Variants in MUSK observed in about 807,000 individuals in gnomAD.
The protein encoded by MUSK is muscle associated receptor tyrosine kinase, also known as muscle, skeletal receptor tyrosine-protein kinase.
Under a neutral mutation model 88.7 loss-of-function variants are expected in MUSK, and 55 were observed. The observed-to-expected ratio is 0.62, with a 90% confidence interval of 0.50 to 0.78. MUSK has a LOEUF of 0.78. Among genes scored for constraint, MUSK ranks in the 30% least tolerant of loss-of-function variants. The probability of loss-of-function intolerance (pLI) is 0.00; values close to 1 mark genes in which losing one functional copy is unlikely to be tolerated. For missense variants in MUSK, 1,015 were observed against 1,074.3 expected, an observed-to-expected ratio of 0.94 and a Z score of 0.77; for synonymous variants, 387 against 391.9, an observed-to-expected ratio of 0.99 and a Z score of 0.15.
At chr9:110,753,385 T>TTGCACCAC (rs1185989903) in intron 7 of MUSK, among the ~76,000 whole-genome samples, 1 of 148,512 alleles carries the variant, frequency 6.7e-6, no homozygotes, top group African/African-American at 2.5e-5. Flanking sequence ...TGAGCTGAAA[T>TTGCACCAC]TGCACCACTG....
intron 9 of MUSK, among the ~76,000 whole-genome samples, chr9:110,768,308 T>C (rs1338148789): frequency 6.6e-6 from 1 of 152,126 alleles, no homozygotes; most frequent in Non-Finnish European, 1.5e-5. Context: ...CACCAGCCTG[T>C]CCAACATGGT....
At chr9:110,701,687 TTAC>T (rs1183119073) in intron 5 of MUSK, among the ~76,000 whole-genome samples, 1 of 8,590 alleles carries the variant, frequency 1.2e-4, no homozygotes, top group Non-Finnish European at 1.9e-4. Context: ...TTTTTTTACT[TTAC>T]TTTATTTTAT....
At chr9:110,764,638 G>A in intron 8 of MUSK, among the ~76,000 whole-genome samples, 1 of 149,060 alleles carries the variant, frequency 6.7e-6, no homozygotes, top group African/African-American at 2.5e-5. Context: ...TAGATAGATA[G>A]GTAGGTAGAT....
At chr9:110,688,922 TTATATATAAATATATGTAAACA>T (rs1564216000) in intron 3 of MUSK, among the ~76,000 whole-genome samples, 1 of 146,298 alleles carries the variant, frequency 6.8e-6, no homozygotes, top group Admixed American at 7.0e-5. Context: ...TTATATATAT[TTATATATAAATATATGTAAACA>T]TATATTTAAA....
intron 8 of MUSK, among the ~76,000 whole-genome samples, chr9:110,764,653 G>A (rs1054923806): frequency 6.7e-6 from 1 of 148,788 alleles, no homozygotes. Context: ...GTAGATCATC[G>A]GTCTTGTGTG....
chr9:110,723,906 C>G (rs1486378721), intron 5 of MUSK, among the ~76,000 whole-genome samples: 1 of 152,034 alleles, frequency 6.6e-6, no homozygotes, highest in Non-Finnish European at 1.5e-5. Flanking sequence ...CTACTGCTCA[C>G]ACTCCTGTAA....
At position 110,801,210 on chromosome 9, in the gene MUSK, CA is replaced by C. The variant is rs1425556815; in HGVS notation, c.*223del. 2.3e-6 allele frequency: 1 copy of C among 431,118 alleles called. No individual in the cohort carries two copies. Among genetic ancestry groups the C allele is most frequent in the Admixed American group, 3.9e-5 (1 of 25,822 alleles). 26.7% of individuals were successfully genotyped at this position (431,118 alleles called of 1,614,324 possible). A position where few individuals can be genotyped will look rare whatever the true frequency, so the allele number is the denominator to read the frequency against. ...TGGAAACACAGGCTAGGAAATGTGT[CA>C]GATAATGGAGACAACTATTCTTCTT... On this transcript the variant is annotated 3_prime_UTR_variant, in exon 15 of 15. Coordinates refer to ENST00000374448, the MANE Select transcript of MUSK (RefSeq NM_005592.4).
chr9:110,710,417 T>C (rs1012681604), intron 5 of MUSK, among the ~76,000 whole-genome samples: 18 of 152,346 alleles, frequency 1.2e-4, no homozygotes, highest in African/African-American at 4.1e-4. Flanking sequence ...GTATTTGCTG[T>C]TGTTGGTATT....
At chr9:110,673,031 G>T (rs2075980095) in intron 1 of MUSK, among the ~76,000 whole-genome samples, 1 of 152,134 alleles carries the variant, frequency 6.6e-6, no homozygotes, top group African/African-American at 2.4e-5. Flanking sequence ...GATGAAAGCT[G>T]GATAGTAGAA....
intron 1 of MUSK, among the ~76,000 whole-genome samples, chr9:110,675,673 G>GGA (rs1564205682): frequency 1.5e-5 from 2 of 129,092 alleles, no homozygotes; most frequent in East Asian, 4.8e-4. Flanking sequence ...GGGTTCAAGT[G>GGA]ATTCTCCTGC....
chr9:110,731,947 C>CTTTCCGATTACCATA (rs78656044), intron 5 of MUSK, among the ~76,000 whole-genome samples: 1 of 151,336 alleles, frequency 6.6e-6, no homozygotes, highest in South Asian at 2.1e-4. Flanking sequence ...AAAATAAAAC[C>CTTTCCGATTACCATA]TTTCCAAGAA....
intron 5 of MUSK, among the ~76,000 whole-genome samples, chr9:110,729,230 G>C (rs1226669475): frequency 1.2e-5 from 1 of 85,980 alleles, no homozygotes; most frequent in Non-Finnish European, 3.1e-5. Flanking sequence ...GTTTGTAGTG[G>C]AATATGTTTA....
chr9:110,775,523 G>A (rs2077653633), intron 9 of MUSK: 4 of 446,850 alleles, frequency 9.0e-6, no homozygotes, highest in East Asian at 4.6e-5. Context: ...AATCTAATAC[G>A]TTTTAAATTT....
rs1270258969 is a variant in MUSK at position 110,806,095 on chromosome 9, G to A, written c.*5107G>A. On this transcript the variant is annotated 3_prime_UTR_variant, in exon 15 of 15. Transcript: ENST00000374448. ...TTTCATCTCTAGTCCCAGCCTAAGTGCTAACCACTTCACCCATTTATAGTG... is the reference window on the plus strand; with the variant it reads ...TTTCATCTCTAGTCCCAGCCTAAGTACTAACCACTTCACCCATTTATAGTG... Among the ~76,000 whole-genome samples the A allele has an allele frequency of 6.6e-6, 1 of 152,010 alleles. No individual in the cohort carries two copies. Among genetic ancestry groups the A allele is most frequent in the Non-Finnish European group, 1.5e-5 (1 of 67,966 alleles).
At chr9:110,690,206 A>G (rs1453972445) in intron 3 of MUSK, among the ~76,000 whole-genome samples, 1 of 104,392 alleles carries the variant, frequency 9.6e-6, no homozygotes, top group African/African-American at 3.9e-5. Context: ...AAATATATAT[A>G]AATATATATT....
At chr9:110,689,073 T>C (rs1168083771) in intron 3 of MUSK, among the ~76,000 whole-genome samples, 3 of 138,444 alleles carry the variant, frequency 2.2e-5, no homozygotes, top group African/African-American at 5.4e-5. Flanking sequence ...GCTATAGTTA[T>C]ATATAGTTAT....
In MUSK at chr9:110,747,808, G is replaced by GC; in HGVS notation, c.913+12dup. 6.2e-7 allele frequency: 1 copy of GC among 1,613,460 alleles called. No individual in the cohort carries two copies. Among genetic ancestry groups the GC allele is most frequent in the South Asian group, 1.1e-5 (1 of 91,072 alleles). ...CCACCATCAGCATAGCAGGTAGGAT[G>GC]CCCCTTCACATTTGCGTTGTTCCAG... On this transcript the variant is annotated intron_variant, in intron 7 of 14. Coordinates refer to ENST00000374448, the MANE Select transcript of MUSK (RefSeq NM_005592.4).
At chr9:110,699,654 G>A (rs1376466805) in intron 5 of MUSK, among the ~76,000 whole-genome samples, 1 of 152,060 alleles carries the variant, frequency 6.6e-6, no homozygotes, top group Non-Finnish European at 1.5e-5. Context: ...ACTGAGAAAT[G>A]ACTGGAAAAA....
At position 110,779,058 on chromosome 9, in the gene MUSK, CTG is replaced by C. The variant is rs10680441; in HGVS notation, c.1384+2427_1384+2428del. Reference sequence around the variant, plus strand: ...ATGAAATCATGAAGCGTCAGTGTCTCTGTGTGTGTGTGTGTGTGTGTGTGTCT... The same window carrying C: ...ATGAAATCATGAAGCGTCAGTGTCTCTGTGTGTGTGTGTGTGTGTGTGTCT... On this transcript the variant is annotated intron_variant, in intron 11 of 14. Coordinates refer to ENST00000374448, the MANE Select transcript of MUSK (RefSeq NM_005592.4). 2.2e-3 allele frequency among the ~76,000 whole-genome samples: 335 copies of C among 149,604 alleles called. 1 individual carries two copies. Among genetic ancestry groups the C allele is most frequent in the African/African-American group, 5.4e-3 (221 of 40,852 alleles).
Sources: allele counts gnomAD v4.1 joint callset (sites outside exome capture counted in the v4.1 genomes callset), GRCh38; gene constraint gnomAD v4.1.1; transcripts MANE v1.5; gene names NCBI Gene and HGNC (gene_info 2026-07-23, HGNC 2026-07-21).